Variants in RSRC1 observed in about 807,000 individuals in gnomAD.
The protein encoded by RSRC1 is arginine and serine rich coiled-coil 1, also known as serine/Arginine-related protein 53.
RSRC1 carries 39 observed loss-of-function variants against 49.1 expected under a neutral mutation model. The ratio of observed to expected loss-of-function variants is 0.79; its 90% CI spans 0.61 to 1.04. The LOEUF is 1.04. Ranked by LOEUF, RSRC1 falls within the 50% of genes least tolerant of loss-of-function variation. The pLI is 0.00. For synonymous variants in RSRC1, 143 were observed against 130.8 expected, an observed-to-expected ratio of 1.09 and a Z score of -0.63; for missense variants, 388 against 402.4, an observed-to-expected ratio of 0.96 and a Z score of 0.31.
intron 7 of RSRC1, among the ~76,000 whole-genome samples, chr3:158,519,428 G>A (rs1180063052): frequency 6.6e-6 from 1 of 151,712 alleles, no homozygotes; most frequent in Non-Finnish European, 1.5e-5. Context: ...GCTCTGGGAA[G>A]GTCTCCCTAA....
In RSRC1 at chr3:158,144,525, A is replaced by G. The variant is rs1314721792; in HGVS notation, c.320+20534A>G. ...TATATGTGCCACGTTTTCTTAATCCAGTCTATCACTGATGGACATTTGGGT... is the reference window on the plus strand; with the variant it reads ...TATATGTGCCACGTTTTCTTAATCCGGTCTATCACTGATGGACATTTGGGT... On this transcript the variant is annotated intron_variant, in intron 3 of 9. Transcript: ENST00000611884. Among the ~76,000 whole-genome samples, 23 of 152,196 alleles carry G rather than the reference A, an allele frequency of 1.5e-4. 1 individual carries two copies. Among genetic ancestry groups the G allele is most frequent in the Admixed American group, 1.4e-3 (21 of 15,276 alleles).
At chr3:158,455,696 A>G (rs1042630008) in intron 6 of RSRC1, among the ~76,000 whole-genome samples, 1 of 152,018 alleles carries the variant, frequency 6.6e-6, no homozygotes, top group South Asian at 2.1e-4. Flanking sequence ...AAGGGGCAAC[A>G]TGGCCTGGTG....
intron 7 of RSRC1, among the ~76,000 whole-genome samples, chr3:158,503,842 C>T (rs1014710835): frequency 1.4e-4 from 22 of 152,158 alleles, no homozygotes; most frequent in African/African-American, 4.8e-4. Context: ...CTTCCCCCAC[C>T]TGTGGAGTCT....
At chr3:158,312,137 C>T (rs907257297) in intron 5 of RSRC1, among the ~76,000 whole-genome samples, 1 of 147,314 alleles carries the variant, frequency 6.8e-6, no homozygotes, top group African/African-American at 2.7e-5. Flanking sequence ...GAGCAGAGAG[C>T]ACCTATTATA....
rs187001738 is a variant in RSRC1 at position 158,290,518 on chromosome 3, G to A, written c.495-7521G>A. Among the ~76,000 whole-genome samples the A allele has an allele frequency of 3.8e-3, 582 of 151,962 alleles. 6 individuals are homozygous for A. The highest frequency in any genetic ancestry group is 0.013 in the African/African-American group (546 of 41,400). On this transcript the variant is annotated intron_variant, in intron 4 of 9. Transcript: ENST00000611884. ...TCTCGATTTCCTGACCTCGTGATCC[G>A]CCCACCTTGGCCTCCCAAAGTGTTG...
chr3:158,153,876 GT>G (rs965651596), intron 3 of RSRC1, among the ~76,000 whole-genome samples: 1 of 152,144 alleles, frequency 6.6e-6, no homozygotes, highest in African/African-American at 2.4e-5. Flanking sequence ...GTGATCTTAG[GT>G]AGAGTAAATT....
chr3:158,442,386 T>C (rs574269153), intron 6 of RSRC1, among the ~76,000 whole-genome samples: 1 of 152,276 alleles, frequency 6.6e-6, no homozygotes, highest in East Asian at 1.9e-4. Context: ...AAATCATTTG[T>C]TGTCATTTTT....
chr3:158,335,788 G>A (rs1028129579), intron 5 of RSRC1, among the ~76,000 whole-genome samples: 1 of 152,178 alleles, frequency 6.6e-6, no homozygotes, highest in African/African-American at 2.4e-5. Flanking sequence ...AATAAATACA[G>A]CTGTGTATTT....
chr3:158,445,139 C>T (rs1211931642), intron 6 of RSRC1, among the ~76,000 whole-genome samples: 1 of 152,180 alleles, frequency 6.6e-6, no homozygotes, highest in Admixed American at 6.6e-5. Flanking sequence ...TTTGACCCAG[C>T]CATCCCATTA....
chr3:158,234,792 A>G (rs1428935937), intron 4 of RSRC1, among the ~76,000 whole-genome samples: 1 of 152,146 alleles, frequency 6.6e-6, no homozygotes, highest in Non-Finnish European at 1.5e-5. Context: ...TATTGTACAA[A>G]TCTTTAATCA....
At chr3:158,536,073 G>A (rs1004271715) in intron 7 of RSRC1, among the ~76,000 whole-genome samples, 1 of 151,326 alleles carries the variant, frequency 6.6e-6, no homozygotes, top group African/African-American at 2.4e-5. Flanking sequence ...TTTCTAAGGG[G>A]TCAGACTGAC....
At chr3:158,388,058 C>T (rs1358201543) in intron 6 of RSRC1, among the ~76,000 whole-genome samples, 2 of 151,930 alleles carry the variant, frequency 1.3e-5, no homozygotes, top group Admixed American at 6.6e-5. Context: ...AAATTAATAA[C>T]TAGATTAGAA....
chr3:158,467,689 G>C (rs911425809), intron 7 of RSRC1, among the ~76,000 whole-genome samples: 1 of 152,174 alleles, frequency 6.6e-6, no homozygotes, highest in Admixed American at 6.5e-5. Flanking sequence ...GTAATGTATA[G>C]TTATGGGCTA....
intron 4 of RSRC1, among the ~76,000 whole-genome samples, chr3:158,224,429 T>C (rs1021103103): frequency 6.6e-6 from 1 of 151,850 alleles, no homozygotes; most frequent in African/African-American, 2.4e-5. Flanking sequence ...GTTCAATATA[T>C]TATATAAATG....
chr3:158,183,669 C>A (rs1280025113), intron 3 of RSRC1, among the ~76,000 whole-genome samples: 7 of 152,134 alleles, frequency 4.6e-5, no homozygotes, highest in Admixed American at 4.6e-4. Context: ...GTAATCCCAG[C>A]ACTTTGGGAG....
At chr3:158,411,212 GAGTTGTTGTC>G (rs1017485028) in intron 6 of RSRC1, among the ~76,000 whole-genome samples, 7 of 151,978 alleles carry the variant, frequency 4.6e-5, no homozygotes, top group African/African-American at 1.4e-4. Context: ...ATGGACTTTT[GAGTTGTTGTC>G]AGTTTGATGC....
intron 7 of RSRC1, among the ~76,000 whole-genome samples, chr3:158,506,377 G>A (rs1227073887): frequency 6.6e-6 from 1 of 152,036 alleles, no homozygotes; most frequent in South Asian, 2.1e-4. Context: ...GGAATTTGAG[G>A]CCAGCATGGT....
At chr3:158,310,680 AAC>A (rs1309405980) in intron 5 of RSRC1, among the ~76,000 whole-genome samples, 1 of 151,780 alleles carries the variant, frequency 6.6e-6, no homozygotes, top group Non-Finnish European at 1.5e-5. Flanking sequence ...GTTTTAAAAT[AAC>A]ACAAATCAAT....
At chr3:158,371,470 T>C (rs1732076870) in intron 6 of RSRC1, among the ~76,000 whole-genome samples, 1 of 151,868 alleles carries the variant, frequency 6.6e-6, no homozygotes, top group South Asian at 2.1e-4. Flanking sequence ...AAATGTCATA[T>C]AAATGGACTC....
Sources: allele counts gnomAD v4.1 joint callset (sites outside exome capture counted in the v4.1 genomes callset), GRCh38; gene constraint gnomAD v4.1.1; transcripts MANE v1.5; gene names NCBI Gene and HGNC (gene_info 2026-07-23, HGNC 2026-07-21).